The following NT5C2 variants were observed in gnomAD, a reference collection of about 807,000 sequenced individuals.
NT5C2 encodes the protein cytosolic purine 5'-nucleotidase.
In NT5C2, 58 loss-of-function variants were observed where a neutral mutation model predicts 76.1. The ratio of observed to expected loss-of-function variants is 0.76; its 90% CI spans 0.62 to 0.95. The LOEUF (loss-of-function observed/expected upper bound fraction) is 0.95. NT5C2 is among the 40% of genes least tolerant of loss of function. The pLI, the probability that NT5C2 is intolerant of heterozygous loss-of-function variation, is 0.00. For missense variants in NT5C2, 478 were observed against 690.3 expected (o/e 0.69, Z 3.45); for synonymous variants, 229 against 237.4 (o/e 0.96, Z 0.32).
chr10:103,187,196 G>T (rs1056198107), intron 1 of NT5C2, among the ~76,000 whole-genome samples: 1 of 151,842 alleles, frequency 6.6e-6, no homozygotes, highest in African/African-American at 2.4e-5. Context: ...GTTGCAGTAC[G>T]CTGAGAGCGC....
At position 103,090,999 on chromosome 10, in the gene NT5C2, A is replaced by G. The variant is rs757108355; in HGVS notation, c.1212-3T>C. The G allele has an allele frequency of 4.3e-6, 7 of 1,612,366 alleles. No homozygotes were observed. In the East Asian group the frequency reaches 1.6e-4, roughly 36 times the overall value. On this transcript the variant is annotated splice_polypyrimidine_tract_variant and splice_region_variant and intron_variant, in intron 16 of 18. Transcript: ENST00000404739. ...CATTGCTACTGCTGTCAAGATGCCT[A>G]AAGATAAAAGAAAAACTCAGTGAAA...
chr10:103,133,480 C>T (rs972326260), intron 4 of NT5C2, among the ~76,000 whole-genome samples: 3 of 152,130 alleles, frequency 2.0e-5, no homozygotes, highest in Non-Finnish European at 2.9e-5. Context: ...AGGCAGGTCT[C>T]GAACTCCTGA....
Position 103,136,244 on chromosome 10 carries a change from C to T in NT5C2, c.175+3162G>A, listed in dbSNP as rs187739308. Among the ~76,000 whole-genome samples, 12 of 152,330 alleles carry T rather than the reference C, an allele frequency of 7.9e-5. No individual in the cohort carries two copies. The East Asian group carries it at 2.3e-3, about 29-fold the overall frequency. On this transcript the variant is annotated intron_variant, in intron 4 of 18. Transcript: ENST00000404739. ...ATCATTTTAACATTATATGCCTATA[C>T]ATACATGCATGCTTAGGTTTGAATC...
chr10:103,105,386 AT>A (rs1432054418), intron 6 of NT5C2: 2 of 966,580 alleles, frequency 2.1e-6, no homozygotes, highest in South Asian at 1.9e-5. Context: ...TGAGAACTGT[AT>A]TAGAAAGAAG....
intron 3 of NT5C2, among the ~76,000 whole-genome samples, chr10:103,162,989 G>C (rs141637838): frequency 0.013 from 2,043 of 152,090 alleles, 31 homozygotes; most frequent in Middle Eastern, 0.024. Flanking sequence ...CCACTAATGT[G>C]TTCTCCCCAT....
chr10:103,177,454 T>C (rs2090202219), intron 2 of NT5C2, among the ~76,000 whole-genome samples: 1 of 152,232 alleles, frequency 6.6e-6, no homozygotes, highest in South Asian at 2.1e-4. Flanking sequence ...TGAAAACATC[T>C]GTAGCCTGTT....
chr10:103,117,038 G>T (rs1383955580), intron 4 of NT5C2, among the ~76,000 whole-genome samples: 1 of 151,986 alleles, frequency 6.6e-6, no homozygotes, highest in Admixed American at 6.6e-5. Context: ...TTGGGCCAAA[G>T]AAAATAAAAC....
chr10:103,148,527 C>G (rs542574023), intron 3 of NT5C2, among the ~76,000 whole-genome samples: 22 of 151,990 alleles, frequency 1.4e-4, no homozygotes, highest in Non-Finnish European at 2.8e-4. Flanking sequence ...TGGCGTGAAC[C>G]CAGGAGGCAG....
intron 3 of NT5C2, among the ~76,000 whole-genome samples, chr10:103,140,379 C>G (rs1030444437): frequency 1.3e-5 from 2 of 152,098 alleles, no homozygotes; most frequent in African/African-American, 4.8e-5. Context: ...GTAGAATCTC[C>G]TTTTTTAAGG....
At chr10:103,174,767 C>T in intron 3 of NT5C2, 91 bp downstream of exon 3, 2 of 876,134 alleles carry the variant, frequency 2.3e-6, no homozygotes, top group South Asian at 2.7e-5. Context: ...GGGTTATTTA[C>T]TTAACCTCTC....
In NT5C2 at chr10:103,156,922, T is replaced by C. The variant is rs183516158; in HGVS notation, c.102-17443A>G. ...AATACAAAAACTTAACCACGCGTGG[T>C]GGCACGTGCCTGTAATCCCAGCTAC... On this transcript the variant is annotated intron_variant, in intron 3 of 18. Coordinates refer to ENST00000404739, the MANE Select transcript of NT5C2 (RefSeq NM_001351169.2). Among the ~76,000 whole-genome samples, 178 of 151,840 alleles carry C rather than the reference T, an allele frequency of 1.2e-3. 1 individual carries two copies. Among genetic ancestry groups the C allele is most frequent in the African/African-American group, 4.0e-3 (167 of 41,402 alleles).
At chr10:103,141,863 G>A (rs1305625766) in intron 3 of NT5C2, among the ~76,000 whole-genome samples, 1 of 152,108 alleles carries the variant, frequency 6.6e-6, no homozygotes, top group East Asian at 1.9e-4. Context: ...CAGCCTACTA[G>A]GAAGGAGACC....
intron 10 of NT5C2, chr10:103,098,108 T>TATGTC (rs757261395): frequency 1.9e-6 from 1 of 527,624 alleles, no homozygotes; most frequent in East Asian, 5.5e-5. Context: ...AAGAAAGAAG[T>TATGTC]ATGTCATCTT....
Position 103,097,392 on chromosome 10 carries a change from A to G in NT5C2, c.688-18T>C. 2.5e-6 allele frequency: 4 copies of G among 1,592,562 alleles called. No homozygotes were observed. The highest frequency in any genetic ancestry group is 3.4e-6 in the Non-Finnish European group (4 of 1,161,096). ...AGTTTTCCCTGAAATGTAATTGGAT[A>G]ATGAGTGAAACACGAAAACATTTTT... On this transcript the variant is annotated intron_variant, in intron 10 of 18. Transcript: ENST00000404739.
chr10:103,128,319 C>T (rs1305388690), intron 4 of NT5C2, among the ~76,000 whole-genome samples: 1 of 149,648 alleles, frequency 6.7e-6, no homozygotes, highest in African/African-American at 2.5e-5. Flanking sequence ...CCGCCAACCT[C>T]GGCCTCCCGA....
chr10:103,090,561 G>A (rs1263774641), intron 18 of NT5C2, 50 bp downstream of exon 18: 1 of 1,538,236 alleles, frequency 6.5e-7, no homozygotes, highest in South Asian at 1.2e-5. Flanking sequence ...GGTGGTTGCT[G>A]ACCCTGGGCT....
chr10:103,121,500 T>C (rs2075659978), intron 4 of NT5C2, among the ~76,000 whole-genome samples: 1 of 152,176 alleles, frequency 6.6e-6, no homozygotes, highest in Non-Finnish European at 1.5e-5. Flanking sequence ...ATCCAAAAAA[T>C]GTTCACTTAA....
intron 8 of NT5C2, 179 bp downstream of exon 8, chr10:103,100,866 G>T (rs986785130): frequency 2.9e-6 from 2 of 692,450 alleles, no homozygotes; most frequent in Admixed American, 4.0e-5. Context: ...TGTGGGAGGT[G>T]AGAGCCTGCA....
At chr10:103,189,334 G>A (rs889388655) in intron 1 of NT5C2, among the ~76,000 whole-genome samples, 3 of 152,062 alleles carry the variant, frequency 2.0e-5, no homozygotes, top group East Asian at 1.9e-4. Flanking sequence ...AGGGCCGGGC[G>A]TGGTAGCTCA....
Sources: allele counts gnomAD v4.1 joint callset (sites outside exome capture counted in the v4.1 genomes callset), GRCh38; gene constraint gnomAD v4.1.1; transcripts MANE v1.5; gene names NCBI Gene and HGNC (gene_info 2026-07-23, HGNC 2026-07-21).